Variants in ZNF808 observed in about 807,000 individuals in gnomAD.
ZNF808 encodes the protein zinc finger protein 808.
In ZNF808, 5 loss-of-function variants were observed where a neutral mutation model predicts 8.7. The ratio of observed to expected loss-of-function variants is 0.58; its 90% CI spans 0.30 to 1.21. The LOEUF is 1.21. Among genes scored for constraint, ZNF808 ranks in the 50% most tolerant of loss-of-function variants. ZNF808 has a pLI of 0.07. For synonymous variants in ZNF808, 380 were observed against 366.0 expected, an observed-to-expected ratio of 1.04 and a Z score of -0.44; for missense variants, 1,103 against 1,098.4, an observed-to-expected ratio of 1.00 and a Z score of -0.06.
intron 4 of ZNF808, among the ~76,000 whole-genome samples, chr19:52,550,261 G>A (rs1250553074): frequency 2.0e-5 from 3 of 147,416 alleles, no homozygotes; most frequent in Non-Finnish European, 4.5e-5. Context: ...ATGGAGTTTT[G>A]CTCCCGTTGC....
chr19:52,560,865 T>G (rs1374652367), downstream of ZNF808, among the ~76,000 whole-genome samples: 1 of 152,164 alleles, frequency 6.6e-6, no homozygotes, highest in African/African-American at 2.4e-5. Context: ...CTTCACATGG[T>G]ACATTGATTT....
downstream of ZNF808, among the ~76,000 whole-genome samples, chr19:52,561,239 T>TATATAC (rs1422204520): frequency 2.8e-4 from 37 of 133,498 alleles, no homozygotes; most frequent in African/African-American, 9.6e-4. Flanking sequence ...TATATATATA[T>TATATAC]ACACTTTTTT....
chr19:52,553,063 C>T (rs747140743), intron 4 of ZNF808, 44 bp from the exon 5 acceptor site: 8 of 1,497,880 alleles, frequency 5.3e-6, no homozygotes, highest in Admixed American at 4.8e-5. Context: ...TATGATTTAC[C>T]ATCTGTACTT....
intron 4 of ZNF808, among the ~76,000 whole-genome samples, chr19:52,550,080 T>C (rs1239412525): frequency 1.3e-5 from 2 of 152,218 alleles, no homozygotes; most frequent in Non-Finnish European, 2.9e-5. Context: ...TGCTGACTAT[T>C]GTGCCTAAGA....
In ZNF808 at chr19:52,532,921, A is replaced by C. The variant is rs1229624567; in HGVS notation, c.-108A>C. The C allele has an allele frequency of 1.7e-5, 3 of 172,534 alleles. No individual in the cohort carries two copies. Among genetic ancestry groups the C allele is most frequent in the African/African-American group, 7.1e-5 (3 of 42,040 alleles). 10.7% of individuals were successfully genotyped at this position (172,534 alleles called of 1,614,324 possible). ...TATATTTTGTAGATATCTCTTCCAA[A>C]TGCTTGATGAAAAAGGTGGAAGGGT... On this transcript the variant is annotated 5_prime_UTR_variant, in exon 2 of 5. The change abolishes an upstream ATG in the 5' untranslated region. Transcript: ENST00000359798.
At position 52,555,256 on chromosome 19, in the gene ZNF808, C is replaced by T. The variant is rs1388647149; in HGVS notation, c.2340C>T (p.Tyr780=). ...TCCGTCACTGGTCATCCCTTGTATA[C>T]CATCGTAGACTTCATACTGGAGAGA... ...NTFRHWSSLV[Y]HRRLHTGEKS... The change falls in exon 5 of 5, where the codon TAC becomes TAT. Residue 780 remains tyrosine, a synonymous_variant. Coordinates refer to ENST00000359798, the MANE Select transcript of ZNF808 (RefSeq NM_001039886.4). 1 of 1,611,556 alleles carries T rather than the reference C, an allele frequency of 6.2e-7. No individual in the cohort carries two copies. Among genetic ancestry groups the T allele is most frequent in the East Asian group, 2.2e-5 (1 of 44,638 alleles).
chr19:52,550,619 G>A (rs1256381532), intron 4 of ZNF808, among the ~76,000 whole-genome samples: 1 of 151,772 alleles, frequency 6.6e-6, no homozygotes, highest in Non-Finnish European at 1.5e-5. Context: ...TCGACTTCCT[G>A]GGTTCAAGTG....
At chr19:52,557,946 C>T (rs542968120), downstream of ZNF808, among the ~76,000 whole-genome samples, 3 of 147,634 alleles carry the variant, frequency 2.0e-5, no homozygotes, top group South Asian at 6.5e-4. Flanking sequence ...GGGGCTTCAC[C>T]AGAAAAGCTC....
At chr19:52,544,938 C>T (rs1321822012) in intron 3 of ZNF808, among the ~76,000 whole-genome samples, 4 of 152,186 alleles carry the variant, frequency 2.6e-5, no homozygotes, top group Admixed American at 2.0e-4. Flanking sequence ...CATTCGCTGT[C>T]ACGCCTGGCT....
chr19:52,544,934 C>A (rs1475129211), intron 3 of ZNF808, among the ~76,000 whole-genome samples: 2 of 152,194 alleles, frequency 1.3e-5, no homozygotes, highest in African/African-American at 4.8e-5. Context: ...CAGGCATTCG[C>A]TGTCACGCCT....
intron 4 of ZNF808, among the ~76,000 whole-genome samples, chr19:52,552,344 G>A (rs2059785644): frequency 6.6e-6 from 1 of 151,656 alleles, no homozygotes; most frequent in Admixed American, 6.6e-5. Flanking sequence ...GTCACTAAGT[G>A]CCTGTTCTGT....
chr19:52,561,200 CTCTCTCTCTCTCTATATA>C (rs1436169518), downstream of ZNF808, among the ~76,000 whole-genome samples: 1,296 of 46,972 alleles, frequency 0.028, 16 homozygotes, highest in Non-Finnish European at 0.039. Flanking sequence ...CTCTCTCTCT[CTCTCTCTCTCTCTATATA>C]TATATATATA....
At chr19:52,528,529 G>A (rs2059531433) in intron 1 of ZNF808, among the ~76,000 whole-genome samples, 1 of 152,202 alleles carries the variant, frequency 6.6e-6, no homozygotes, top group Non-Finnish European at 1.5e-5. Context: ...AGAAAAGCAG[G>A]TGGAGAAAAG....
At chr19:52,546,072 C>A (rs1435384752) in intron 3 of ZNF808, among the ~76,000 whole-genome samples, 2 of 152,066 alleles carry the variant, frequency 1.3e-5, no homozygotes, top group Non-Finnish European at 2.9e-5. Flanking sequence ...ACAGATCTTT[C>A]TTCATGGGAC....
At chr19:52,549,305 C>T (rs326444) in intron 4 of ZNF808, among the ~76,000 whole-genome samples, 2 of 151,914 alleles carry the variant, frequency 1.3e-5, no homozygotes, top group Non-Finnish European at 2.9e-5. Context: ...CACATCTCTA[C>T]CTACTGTGCC....
chr19:52,539,184 ATT>A (rs3049209), intron 2 of ZNF808, among the ~76,000 whole-genome samples: 5,716 of 117,704 alleles, frequency 0.049, 311 homozygotes, highest in African/African-American at 0.17. Context: ...TCTTCATTTC[ATT>A]TTTTTTTTTT....
intron 1 of ZNF808, among the ~76,000 whole-genome samples, chr19:52,531,807 G>C (rs887445318): frequency 2.0e-5 from 3 of 152,086 alleles, no homozygotes; most frequent in Admixed American, 6.6e-5. Context: ...TAAAATTGCT[G>C]TATTGCCTGG....
intron 2 of ZNF808, among the ~76,000 whole-genome samples, chr19:52,538,265 C>CT (rs545809031): frequency 0.37 from 47,262 of 129,410 alleles, 7,848 homozygotes; most frequent in East Asian, 0.51. Flanking sequence ...TCAAAGGTTC[C>CT]CCCGTCTTGG....
chr19:52,566,788 G>A (rs2059874006), downstream of ZNF808, among the ~76,000 whole-genome samples: 1 of 152,036 alleles, frequency 6.6e-6, no homozygotes. Context: ...CATGACTCAT[G>A]GTCTTAAGAT....
Sources: gnomAD v4.1 joint callset for allele counts (sites outside exome capture counted in the v4.1 genomes callset) on GRCh38, gnomAD v4.1.1 for gene constraint, MANE v1.5 for transcripts, NCBI Gene and HGNC (gene_info 2026-07-23, HGNC 2026-07-21) for gene names.